CSRNP3: variants seen among roughly 807,000 people sequenced by gnomAD.
CSRNP3 encodes cysteine and serine rich nuclear protein 3, also known as cysteine/serine-rich nuclear protein 3.
A neutral mutation model predicts 48.0 loss-of-function variants in CSRNP3; 12 were observed. The ratio of observed to expected loss-of-function variants is 0.25; its 90% CI spans 0.16 to 0.41. The LOEUF is 0.41. Ranked by LOEUF, CSRNP3 falls within the 10% of genes least tolerant of loss-of-function variation. The pLI is 1.00. For missense variants in CSRNP3, 580 were observed against 724.4 expected, an observed-to-expected ratio of 0.80 and a Z score of 2.29; for synonymous variants, 263 against 269.7, an observed-to-expected ratio of 0.98 and a Z score of 0.24.
chr2:165,493,108 T>C (rs1025478063), intron 1 of CSRNP3, among the ~76,000 whole-genome samples: 5 of 151,758 alleles, frequency 3.3e-5, no homozygotes, highest in Non-Finnish European at 7.4e-5. Flanking sequence ...AGACCTGGAA[T>C]AAATATGCCC....
At chr2:165,611,588 A>G (rs1420703723) in intron 4 of CSRNP3, among the ~76,000 whole-genome samples, 1 of 152,128 alleles carries the variant, frequency 6.6e-6, no homozygotes, top group Non-Finnish European at 1.5e-5. Flanking sequence ...GGTAAAAAAA[A>G]TGTGAGCTTT....
chr2:165,589,362 A>G (rs572325779), intron 3 of CSRNP3, among the ~76,000 whole-genome samples: 1 of 152,318 alleles, frequency 6.6e-6, no homozygotes, highest in Non-Finnish European at 1.5e-5. Flanking sequence ...TTGGCCTTCA[A>G]ATTTTGTTGT....
At chr2:165,497,696 C>T (rs1684301701) in intron 2 of CSRNP3, among the ~76,000 whole-genome samples, 1 of 152,092 alleles carries the variant, frequency 6.6e-6, no homozygotes, top group South Asian at 2.1e-4. Context: ...GGGTGACTCC[C>T]TTATTTTGCA....
intron 1 of CSRNP3, among the ~76,000 whole-genome samples, chr2:165,485,139 G>A (rs1037070180): frequency 1.3e-5 from 2 of 152,088 alleles, no homozygotes; most frequent in African/African-American, 4.8e-5. Context: ...TAGATATTGT[G>A]TCTATCGGAA....
chr2:165,495,535 C>A (rs1223447557), intron 2 of CSRNP3, among the ~76,000 whole-genome samples: 3 of 152,014 alleles, frequency 2.0e-5, no homozygotes, highest in Non-Finnish European at 4.4e-5. Flanking sequence ...ACTTAAAAGT[C>A]TACTCATTTT....
chr2:165,475,229 C>A (rs761328023), intron 1 of CSRNP3, among the ~76,000 whole-genome samples: 3 of 152,090 alleles, frequency 2.0e-5, no homozygotes, highest in Non-Finnish European at 4.4e-5. Context: ...AATTAAAATT[C>A]CCTTCTCGTT....
chr2:165,602,478 A>C (rs1685932180), intron 4 of CSRNP3, among the ~76,000 whole-genome samples: 1 of 152,228 alleles, frequency 6.6e-6, no homozygotes, highest in Non-Finnish European at 1.5e-5. Context: ...TCATGTTCAG[A>C]CATGGACCAG....
chr2:165,510,423 C>T (rs1684486514), intron 2 of CSRNP3, among the ~76,000 whole-genome samples: 1 of 151,802 alleles, frequency 6.6e-6, no homozygotes, highest in South Asian at 2.1e-4. Context: ...ATATTTGTTG[C>T]CTCAGCTATT....
At chr2:165,520,812 T>TTATATAC (rs1684648806) in intron 3 of CSRNP3, among the ~76,000 whole-genome samples, 1 of 64,948 alleles carries the variant, frequency 1.5e-5, no homozygotes, top group Non-Finnish European at 3.1e-5. Context: ...TATATATATA[T>TTATATAC]ATATATATAT....
At chr2:165,556,151 A>C (rs1032903584) in intron 3 of CSRNP3, among the ~76,000 whole-genome samples, 1 of 152,216 alleles carries the variant, frequency 6.6e-6, no homozygotes, top group African/African-American at 2.4e-5. Flanking sequence ...AGGAAAAGTC[A>C]GTGATTATTA....
intron 4 of CSRNP3, among the ~76,000 whole-genome samples, chr2:165,614,860 A>G (rs1254231675): frequency 2.6e-5 from 4 of 152,136 alleles, no homozygotes; most frequent in Non-Finnish European, 5.9e-5. Context: ...ATGTATTTTT[A>G]TACTTTCTAA....
intron 4 of CSRNP3, among the ~76,000 whole-genome samples, chr2:165,603,102 A>T (rs1573911239): frequency 1.3e-5 from 2 of 152,096 alleles, no homozygotes; most frequent in African/African-American, 4.8e-5. Flanking sequence ...TCACCGTGTT[A>T]GCCAGGATGG....
At chr2:165,624,795 T>C (rs541695381) in intron 4 of CSRNP3, among the ~76,000 whole-genome samples, 26 of 152,316 alleles carry the variant, frequency 1.7e-4, no homozygotes, top group African/African-American at 6.0e-4. Flanking sequence ...TCAGCTGGCA[T>C]GCATGAGGAG....
At chr2:165,508,020 A>G (rs1430960618) in intron 2 of CSRNP3, among the ~76,000 whole-genome samples, 1 of 152,016 alleles carries the variant, frequency 6.6e-6, no homozygotes, top group Non-Finnish European at 1.5e-5. Context: ...GGTAGGTGCC[A>G]TCGACTGCTT....
At chr2:165,669,770 G>A (rs1687297701) in intron 5 of CSRNP3, among the ~76,000 whole-genome samples, 1 of 152,118 alleles carries the variant, frequency 6.6e-6, no homozygotes, top group Admixed American at 6.5e-5. Context: ...CATCTTAAGT[G>A]TCATCATTGA....
intron 3 of CSRNP3, among the ~76,000 whole-genome samples, chr2:165,545,899 G>A (rs1685018828): frequency 6.6e-6 from 1 of 152,086 alleles, no homozygotes; most frequent in African/African-American, 2.4e-5. Flanking sequence ...ATATTTGAAT[G>A]ATAATTTACC....
intron 1 of CSRNP3, among the ~76,000 whole-genome samples, chr2:165,492,917 A>G (rs13413561): frequency 4.2e-4 from 61 of 146,776 alleles, no homozygotes; most frequent in African/African-American, 1.5e-3. Context: ...TGACCAAAGG[A>G]TGATACTCAA....
chr2:165,514,940 A>G (rs1232275883), intron 2 of CSRNP3, among the ~76,000 whole-genome samples: 3 of 152,162 alleles, frequency 2.0e-5, no homozygotes, highest in Non-Finnish European at 4.4e-5. Context: ...TTATTTTTAT[A>G]TCCTTGACTT....
chr2:165,585,115 A>C (rs1338260145), intron 3 of CSRNP3, among the ~76,000 whole-genome samples: 2 of 152,208 alleles, frequency 1.3e-5, no homozygotes, highest in Non-Finnish European at 2.9e-5. Context: ...AAAAGGATTT[A>C]ATTTAAACTA....
Sources: allele counts gnomAD v4.1 joint callset (sites outside exome capture counted in the v4.1 genomes callset), GRCh38; gene constraint gnomAD v4.1.1; transcripts MANE v1.5; gene names NCBI Gene and HGNC (gene_info 2026-07-23, HGNC 2026-07-21).